Variants in PBX1 observed in about 807,000 individuals in gnomAD.
PBX1 encodes pre-B-cell leukemia transcription factor 1.
Under a neutral mutation model 53.4 loss-of-function variants are expected in PBX1, and 6 were observed. The observed-to-expected ratio is 0.11, with a 90% CI of 0.06 to 0.22. The LOEUF is 0.22. PBX1 is among the 10% of genes least tolerant of loss of function. PBX1 has a pLI of 1.00. For synonymous variants in PBX1, 204 were observed against 212.3 expected (o/e 0.96, Z 0.34); for missense variants, 251 against 551.4 (o/e 0.46, Z 5.46).
intron 2 of PBX1, among the ~76,000 whole-genome samples, chr1:164,678,069 T>A (rs960319932): frequency 6.6e-6 from 1 of 152,116 alleles, no homozygotes; most frequent in African/African-American, 2.4e-5. Flanking sequence ...GAAAGGATGG[T>A]AGGCTTGATG....
intron 2 of PBX1, among the ~76,000 whole-genome samples, chr1:164,663,420 G>A (rs1318716118): frequency 6.6e-6 from 1 of 152,014 alleles, no homozygotes; most frequent in Non-Finnish European, 1.5e-5. Flanking sequence ...TTCTCCCTAT[G>A]GTACAACATG....
In PBX1 at chr1:164,848,452, A is replaced by G. The variant is rs1671674939; in HGVS notation, c.*1776A>G. ...ATATCCAATCTGTAAATGCGAAGTC[A>G]GGGGAAGTAATGTCCCTGAAATAAA... On this transcript the variant is annotated 3_prime_UTR_variant, in exon 9 of 9. Coordinates refer to ENST00000420696, the MANE Select transcript of PBX1 (RefSeq NM_002585.4). 1.9e-6 allele frequency: 2 copies of G among 1,056,858 alleles called. No homozygotes were observed. The highest frequency in any genetic ancestry group is 2.3e-6 in the Non-Finnish European group (2 of 873,966). 65.5% of individuals were successfully genotyped at this position (1,056,858 alleles called of 1,614,324 possible).
rs575034015 is a variant in PBX1 at position 164,788,758 on chromosome 1, C to G, written c.266-3736C>G. On this transcript the variant is annotated intron_variant, in intron 2 of 8. Coordinates refer to ENST00000420696, the MANE Select transcript of PBX1 (RefSeq NM_002585.4). ...GTTTTTCTACCCGCCGCCCTCCCCC[C>G]CCCGCCCTTTTCTTTTCATTCTTTT... is the stretch of plus-strand genomic sequence containing the variant. 1.7e-3 allele frequency among the ~76,000 whole-genome samples: 240 copies of G among 139,386 alleles called. 7 individuals are homozygous for G. Among genetic ancestry groups the G allele is most frequent in the South Asian group, 7.7e-4 (3 of 3,888 alleles). The allele number at this position is 139,386 out of a possible 152,430, so 91.4% of individuals were successfully genotyped here.
intron 2 of PBX1, among the ~76,000 whole-genome samples, chr1:164,686,155 A>G (rs1332245899): frequency 1.3e-5 from 2 of 152,226 alleles, no homozygotes; most frequent in Admixed American, 6.5e-5. Flanking sequence ...GGATATGTGT[A>G]AAGGCCTAAC....
chr1:164,822,764 T>C (rs1375232867), intron 8 of PBX1, among the ~76,000 whole-genome samples: 1 of 152,212 alleles, frequency 6.6e-6, no homozygotes, highest in Admixed American at 6.5e-5. Context: ...AGATTCATCA[T>C]GAATGATCTA....
At chr1:164,814,770 C>A (rs76904133) in intron 6 of PBX1, 2,722 of 154,318 alleles carry the variant, frequency 0.018, 34 homozygotes, top group East Asian at 0.047. Flanking sequence ...AACAAAAAAA[C>A]CAAATATATT....
intron 2 of PBX1, among the ~76,000 whole-genome samples, chr1:164,708,020 T>C (rs532757383): frequency 6.6e-6 from 1 of 152,176 alleles, no homozygotes; most frequent in Non-Finnish European, 1.5e-5. Flanking sequence ...TACAGCAGAT[T>C]TGATGGCCTG....
chr1:164,709,168 G>A (rs1437523510), intron 2 of PBX1, among the ~76,000 whole-genome samples: 3 of 152,146 alleles, frequency 2.0e-5, no homozygotes, highest in African/African-American at 7.2e-5. Context: ...GGTCACTTTT[G>A]TCTATCTGCT....
intron 2 of PBX1, among the ~76,000 whole-genome samples, chr1:164,697,514 A>G (rs1247611973): frequency 6.6e-6 from 1 of 152,166 alleles, no homozygotes; most frequent in Non-Finnish European, 1.5e-5. Flanking sequence ...TCTTCACTAA[A>G]TTATAAACTT....
At chr1:164,650,165 T>C (rs888506698) in intron 2 of PBX1, among the ~76,000 whole-genome samples, 1 of 151,968 alleles carries the variant, frequency 6.6e-6, no homozygotes, top group Non-Finnish European at 1.5e-5. Context: ...TGGAGACTTT[T>C]TGGAGATGGG....
intron 2 of PBX1, among the ~76,000 whole-genome samples, chr1:164,870,281 C>CT (rs1426413709): frequency 4.2e-5 from 1 of 23,724 alleles, no homozygotes; most frequent in South Asian, 1.9e-3. Context: ...TTCTTTCTTT[C>CT]TTTCTTTCTT....
Position 164,847,375 on chromosome 1 carries a change from G to A in PBX1, c.*699G>A, listed in dbSNP as rs1040920915. On this transcript the variant is annotated 3_prime_UTR_variant, in exon 9 of 9. Transcript: ENST00000420696. ...TCTCCACTAGGTTGGTTCCCGGGCA[G>A]GAAGTCAGGCAGCAGGGAAGGACAC... The A allele has an allele frequency of 9.4e-6, 10 of 1,064,654 alleles. No homozygotes were observed. The highest frequency in any genetic ancestry group is 4.9e-5 in the African/African-American group (3 of 61,034). 66.0% of individuals were successfully genotyped at this position (1,064,654 alleles called of 1,614,324 possible).
At chr1:164,684,469 A>G (rs1661978969) in intron 2 of PBX1, 1 of 152,214 alleles carries the variant, frequency 6.6e-6, no homozygotes, top group African/African-American at 2.4e-5. Flanking sequence ...AAAATGCTTT[A>G]AAAATTTTAG....
rs182560653 is a variant in PBX1 at position 164,739,234 on chromosome 1, A to G, written c.266-53260A>G. On this transcript the variant is annotated intron_variant, in intron 2 of 8. Transcript: ENST00000420696. ...ATAGACGTACACTCGCCTGCGATCC[A>G]GTATATGTGTTTCTGTTCATTTGCC... 4.5e-4 allele frequency among the ~76,000 whole-genome samples: 68 copies of G among 152,344 alleles called. 1 individual carries two copies. Among genetic ancestry groups the G allele is most frequent in the Admixed American group, 2.0e-3 (30 of 15,304 alleles).
chr1:164,860,258 T>C (rs910359152), intron 2 of PBX1, among the ~76,000 whole-genome samples: 2 of 152,186 alleles, frequency 1.3e-5, no homozygotes, highest in African/African-American at 4.8e-5. Context: ...TCAATACTTA[T>C]TGACAGCTGA....
At chr1:164,699,625 G>A (rs918584498) in intron 2 of PBX1, among the ~76,000 whole-genome samples, 2 of 152,184 alleles carry the variant, frequency 1.3e-5, no homozygotes, top group Admixed American at 6.5e-5. Flanking sequence ...AAAGGGGGAG[G>A]TGGTCAGGGG....
intron 2 of PBX1, among the ~76,000 whole-genome samples, chr1:164,629,533 T>G (rs909107615): frequency 2.0e-5 from 3 of 152,216 alleles, no homozygotes; most frequent in African/African-American, 7.2e-5. Flanking sequence ...TTAGGGAAAC[T>G]GAGACCCAAA....
chr1:164,874,643 G>A (rs765555313), intron 2 of PBX1, among the ~76,000 whole-genome samples: 4 of 152,010 alleles, frequency 2.6e-5, no homozygotes, highest in Admixed American at 1.3e-4. Flanking sequence ...TCAGGCGTAC[G>A]TCACCACGCC....
chr1:164,855,604 A>G (rs1671960839), downstream of PBX1, among the ~76,000 whole-genome samples: 1 of 152,234 alleles, frequency 6.6e-6, no homozygotes, highest in African/African-American at 2.4e-5. Context: ...AACCCAGAGC[A>G]TGGAACATGA....
Sources: allele counts gnomAD v4.1 joint callset (sites outside exome capture counted in the v4.1 genomes callset), GRCh38; gene constraint gnomAD v4.1.1; transcripts MANE v1.5; gene names NCBI Gene and HGNC (gene_info 2026-07-23, HGNC 2026-07-21).